Variants in RBFOX1 observed in about 807,000 individuals in gnomAD.
RBFOX1 encodes the protein RNA binding protein fox-1 homolog 1.
A neutral mutation model predicts 57.7 loss-of-function variants in RBFOX1; 8 were observed. The observed-to-expected ratio is 0.14, with a 90% CI of 0.08 to 0.25. The LOEUF (loss-of-function observed/expected upper bound fraction) is 0.25, where lower values mean the gene tolerates loss of function less well. Among genes scored for constraint, RBFOX1 ranks in the 10% least tolerant of loss-of-function variants. The pLI, the probability that RBFOX1 is intolerant of heterozygous loss-of-function variation, is 1.00. For synonymous variants in RBFOX1, 326 were observed against 222.4 expected (o/e 1.47, Z -4.15); for missense variants, 611 against 548.5 (o/e 1.11, Z -1.14).
chr16:6,892,898 A>T (rs1485745861), intron 3 of RBFOX1, among the ~76,000 whole-genome samples: 1 of 139,668 alleles, frequency 7.2e-6, no homozygotes, highest in Non-Finnish European at 1.5e-5. Flanking sequence ...CTCACCACTC[A>T]CTCTCAGTCT....
At chr16:5,960,460 A>T (rs1238336376) in intron 4 of RBFOX1, among the ~76,000 whole-genome samples, 1 of 152,138 alleles carries the variant, frequency 6.6e-6, no homozygotes, top group Admixed American at 6.5e-5. Flanking sequence ...ATTACGTGAA[A>T]ACAGCAAATA....
intron 2 of RBFOX1, among the ~76,000 whole-genome samples, chr16:6,373,910 G>A (rs1384497446): frequency 2.0e-5 from 3 of 152,136 alleles, no homozygotes; most frequent in Non-Finnish European, 4.4e-5. Context: ...CAGATAGTAG[G>A]TGTTCATTCA....
At chr16:6,455,783 C>A (rs1001069975) in intron 2 of RBFOX1, among the ~76,000 whole-genome samples, 1 of 152,094 alleles carries the variant, frequency 6.6e-6, no homozygotes, top group Non-Finnish European at 1.5e-5. Context: ...TACCTTTATT[C>A]AATCTCTAGT....
In RBFOX1 at chr16:7,610,245, G is replaced by A. The variant is rs555404468; in HGVS notation, c.676+2907G>A. Among the ~76,000 whole-genome samples, 55 of 149,444 alleles carry A rather than the reference G, an allele frequency of 3.7e-4. 1 individual carries two copies. Among genetic ancestry groups the A allele is most frequent in the African/African-American group, 1.3e-3 (54 of 40,436 alleles). On this transcript the variant is annotated intron_variant, in intron 10 of 15. Transcript: ENST00000550418. ...TGCAATTCTTCTGCCTTAGCCTCTC[G>A]AGTAGATGGGATTACAGGCGTCCAC...
intron 1 of RBFOX1, among the ~76,000 whole-genome samples, chr16:6,313,345 G>T (rs140910553): frequency 1.3e-3 from 203 of 152,296 alleles, no homozygotes; most frequent in Non-Finnish European, 2.5e-3. Flanking sequence ...TTTTGTAAGG[G>T]TCACACTCCT....
intron 4 of RBFOX1, among the ~76,000 whole-genome samples, chr16:7,281,394 C>T (rs986424105): frequency 1.3e-5 from 2 of 151,768 alleles, no homozygotes; most frequent in Non-Finnish European, 2.9e-5. Flanking sequence ...TGTATGAGAG[C>T]CAGGTGACTT....
intron 2 of RBFOX1, among the ~76,000 whole-genome samples, chr16:6,553,201 C>G (rs2097024507): frequency 6.6e-6 from 1 of 152,162 alleles, no homozygotes; most frequent in African/African-American, 2.4e-5. Flanking sequence ...CAGCTCTTCT[C>G]ACGCTATGGA....
At chr16:5,618,736 G>T (rs2048120109) in intron 3 of RBFOX1, among the ~76,000 whole-genome samples, 1 of 152,194 alleles carries the variant, frequency 6.6e-6, no homozygotes, top group Admixed American at 6.5e-5. Flanking sequence ...TCTCATTTTG[G>T]GTCAGGTTGA....
chr16:7,598,180 T>C (rs899341404), intron 9 of RBFOX1, among the ~76,000 whole-genome samples: 4 of 152,162 alleles, frequency 2.6e-5, no homozygotes, highest in African/African-American at 9.7e-5. Flanking sequence ...ACATACTTAA[T>C]TGTACCAAAA....
chr16:7,318,510 T>A (rs1337251503), intron 4 of RBFOX1, among the ~76,000 whole-genome samples: 1 of 152,182 alleles, frequency 6.6e-6, no homozygotes, highest in Non-Finnish European at 1.5e-5. Flanking sequence ...TATTTAACCT[T>A]TCTTTGTTTT....
chr16:7,006,156 A>T (rs1278563268), intron 3 of RBFOX1, among the ~76,000 whole-genome samples: 1 of 151,612 alleles, frequency 6.6e-6, no homozygotes, highest in African/African-American at 2.4e-5. Context: ...TTATTTATTT[A>T]TTTATTTTTT....
chr16:6,309,206 G>A (rs2079931682), intron 1 of RBFOX1, among the ~76,000 whole-genome samples: 1 of 151,968 alleles, frequency 6.6e-6, no homozygotes, highest in African/African-American at 2.4e-5. Context: ...TTTTCATACT[G>A]GGTCTAGCTA....
intron 8 of RBFOX1, among the ~76,000 whole-genome samples, chr16:7,596,092 TTG>T: frequency 7.7e-5 from 2 of 26,024 alleles, no homozygotes; most frequent in South Asian, 9.5e-4. Context: ...GTTTTTTTGT[TTG>T]TTTTTTTTTG....
chr16:6,177,232 C>G (rs537759941), intron 1 of RBFOX1, among the ~76,000 whole-genome samples: 1 of 150,806 alleles, frequency 6.6e-6, no homozygotes, highest in African/African-American at 2.4e-5. Flanking sequence ...GTTCCTTGCC[C>G]TCTGCCACCA....
intron 2 of RBFOX1, among the ~76,000 whole-genome samples, chr16:6,367,884 C>A (rs1309143310): frequency 1.3e-5 from 2 of 152,218 alleles, no homozygotes; most frequent in African/African-American, 4.8e-5. Context: ...ATCGTCAACT[C>A]CTACTGTGAA....
chr16:6,424,066 C>T (rs1056840350), intron 2 of RBFOX1, among the ~76,000 whole-genome samples: 5 of 152,076 alleles, frequency 3.3e-5, no homozygotes. Context: ...GGTGAAAACC[C>T]ATCTCTACTA....
intron 3 of RBFOX1, among the ~76,000 whole-genome samples, chr16:5,668,747 T>C (rs1240641794): frequency 6.6e-6 from 1 of 152,228 alleles, no homozygotes; most frequent in African/African-American, 2.4e-5. Flanking sequence ...CCTCCCACTT[T>C]TGTTTTAGGT....
intron 4 of RBFOX1, among the ~76,000 whole-genome samples, chr16:7,082,229 C>T (rs1455995590): frequency 1.3e-5 from 2 of 152,102 alleles, no homozygotes; most frequent in Non-Finnish European, 1.5e-5. Flanking sequence ...TCTACCTTCT[C>T]AGGAGCTTCA....
intron 4 of RBFOX1, among the ~76,000 whole-genome samples, chr16:7,230,706 A>C (rs1023868420): frequency 3.9e-5 from 6 of 152,292 alleles, no homozygotes; most frequent in Non-Finnish European, 7.4e-5. Context: ...TTGGAGTTGA[A>C]AGTGACCTTT....
Sources: allele counts gnomAD v4.1 joint callset (sites outside exome capture counted in the v4.1 genomes callset), GRCh38; gene constraint gnomAD v4.1.1; transcripts MANE v1.5; gene names NCBI Gene and HGNC (gene_info 2026-07-23, HGNC 2026-07-21).